Variants in RGS17 observed in about 807,000 individuals in gnomAD.
RGS17 encodes regulator of G-protein signaling 17.
A neutral mutation model predicts 25.5 loss-of-function variants in RGS17; 12 were observed. The observed-to-expected ratio is 0.47, with a 90% CI of 0.30 to 0.76. The LOEUF is 0.76. Among genes scored for constraint, RGS17 ranks in the 30% least tolerant of loss-of-function variants. RGS17 has a pLI of 0.07. For missense variants in RGS17, 196 were observed against 242.2 expected, an observed-to-expected ratio of 0.81 and a Z score of 1.27; for synonymous variants, 71 against 76.9, an observed-to-expected ratio of 0.92 and a Z score of 0.40.
At chr6:153,052,375 C>CT (rs1212425119) in intron 1 of RGS17, among the ~76,000 whole-genome samples, 1 of 152,136 alleles carries the variant, frequency 6.6e-6, no homozygotes, top group Non-Finnish European at 1.5e-5. Flanking sequence ...AGCTATCACT[C>CT]TTTTCTTCTT....
At chr6:153,110,844 T>G (rs889647707) in intron 1 of RGS17, among the ~76,000 whole-genome samples, 1 of 152,082 alleles carries the variant, frequency 6.6e-6, no homozygotes, top group Non-Finnish European at 1.5e-5. Context: ...GTTGGGGAAC[T>G]CCCTCCCCTA....
chr6:153,020,128 ATATATATATATT>A (rs1562313012), intron 4 of RGS17, among the ~76,000 whole-genome samples: 23 of 93,134 alleles, frequency 2.5e-4, no homozygotes, highest in African/African-American at 9.3e-4. Context: ...ATATATATAT[ATATATATATATT>A]TTTTTTTTTT....
chr6:153,105,571 C>T (rs1364409428), intron 1 of RGS17, among the ~76,000 whole-genome samples: 1 of 152,028 alleles, frequency 6.6e-6, no homozygotes, highest in Non-Finnish European at 1.5e-5. Flanking sequence ...ATGATCATGC[C>T]AGGAGTAGCC....
chr6:153,113,666 C>A (rs534276590), intron 1 of RGS17, among the ~76,000 whole-genome samples: 2 of 152,216 alleles, frequency 1.3e-5, no homozygotes, highest in South Asian at 2.1e-4. Context: ...CTAAAATTGA[C>A]CACATAATTG....
chr6:153,015,972 A>C (rs1009865521), intron 4 of RGS17, among the ~76,000 whole-genome samples: 41 of 152,174 alleles, frequency 2.7e-4, no homozygotes, highest in African/African-American at 9.4e-4. Context: ...TTTTATGTGC[A>C]TTGGGAAGCC....
At chr6:153,111,124 C>T (rs4267963) in intron 1 of RGS17, among the ~76,000 whole-genome samples, 70,873 of 151,786 alleles carry the variant, frequency 0.47, 17,187 homozygotes, top group East Asian at 0.85. Context: ...GGGGCTGAAG[C>T]CAGGGAGCCA....
intron 1 of RGS17, among the ~76,000 whole-genome samples, chr6:153,052,419 A>G (rs912594405): frequency 6.6e-6 from 1 of 152,078 alleles, no homozygotes; most frequent in Non-Finnish European, 1.5e-5. Context: ...GGGGATATCT[A>G]TTCTACATCT....
intron 2 of RGS17, among the ~76,000 whole-genome samples, chr6:153,029,739 C>A (rs1308190302): frequency 6.6e-6 from 1 of 151,970 alleles, no homozygotes; most frequent in South Asian, 2.1e-4. Context: ...TACAGGCACC[C>A]GCCACCATGC....
intron 1 of RGS17, among the ~76,000 whole-genome samples, chr6:153,056,668 T>C (rs1250783912): frequency 2.0e-5 from 3 of 152,196 alleles, no homozygotes; most frequent in Non-Finnish European, 4.4e-5. Flanking sequence ...CTAACCTAAC[T>C]GCTGTCTTCA....
chr6:153,009,501 AAT>A lies in RGS17; in HGVS notation c.*2071_*2072del, dbSNP rs1205778606. 8 of 152,072 alleles carry A rather than the reference AAT, an allele frequency of 5.3e-5. No homozygotes were observed. Among genetic ancestry groups the A allele is most frequent in the African/African-American group, 1.9e-4 (8 of 41,460 alleles). The allele number at this position is 152,072 out of a possible 1,614,324, so 9.4% of individuals were successfully genotyped here. A position where few individuals can be genotyped will look rare whatever the true frequency, so the allele number is the denominator to read the frequency against. On this transcript the variant is annotated 3_prime_UTR_variant, in exon 5 of 5. Transcript: ENST00000206262. ...GGTTTTTCTTTACTCTTTAGGAAAA[AAT>A]ATGACTTTTTGTAAACATCTTCATA...
intron 1 of RGS17, among the ~76,000 whole-genome samples, chr6:153,079,807 A>C (rs1776945303): frequency 6.6e-6 from 1 of 152,074 alleles, no homozygotes; most frequent in Non-Finnish European, 1.5e-5. Context: ...GGTCTCATTA[A>C]ATGAATTGAG....
rs1000820004 is a variant in RGS17, at chr6:153,007,659, T to C, written c.*3915A>G. 2 of 152,126 alleles carry C rather than the reference T, an allele frequency of 1.3e-5. No individual in the cohort carries two copies. Among genetic ancestry groups the C allele is most frequent in the South Asian group, 4.1e-4 (2 of 4,832 alleles). 9.4% of individuals were successfully genotyped at this position (152,126 alleles called of 1,614,324 possible). On this transcript the variant is annotated 3_prime_UTR_variant, in exon 5 of 5. Transcript: ENST00000206262. ...AAGGCTGGAGTGCAGTGGCATGATA[T>C]CAGCTCACTGCGACCTCTGCCTCCT... is the stretch of plus-strand genomic sequence containing the variant.
chr6:153,069,750 G>GTGTGTGTGTT (rs1467898577), intron 1 of RGS17, among the ~76,000 whole-genome samples: 43 of 150,910 alleles, frequency 2.8e-4, no homozygotes, highest in Middle Eastern at 3.4e-3. Context: ...GTGTGTGTGT[G>GTGTGTGTGTT]TGTGTGTGTG....
At chr6:153,103,895 T>C (rs1268855146) in intron 1 of RGS17, among the ~76,000 whole-genome samples, 1 of 152,190 alleles carries the variant, frequency 6.6e-6, no homozygotes, top group Non-Finnish European at 1.5e-5. Context: ...TTCTAAACCA[T>C]AATTACCATC....
rs746737816 is a variant in RGS17 at position 153,074,488 on chromosome 6, C to T, written c.-25-30445G>A. Among the ~76,000 whole-genome samples, 143 of 152,178 alleles carry T rather than the reference C, an allele frequency of 9.4e-4. 3 individuals are homozygous for T. Among genetic ancestry groups the T allele is most frequent in the Admixed American group, 1.1e-3 (17 of 15,270 alleles). On this transcript the variant is annotated intron_variant, in intron 1 of 4. Coordinates refer to ENST00000206262, the MANE Select transcript of RGS17 (RefSeq NM_012419.5). ...GAACACTCTTCATTTCCAGCAGCTTCCTCACTACAAAACTCCCTGTTAAAG... is the reference window on the plus strand; with the variant it reads ...GAACACTCTTCATTTCCAGCAGCTTTCTCACTACAAAACTCCCTGTTAAAG...
At chr6:153,024,540 C>T in intron 3 of RGS17, 44 bp from the exon 4 acceptor site, 2 of 1,374,304 alleles carry the variant, frequency 1.5e-6, no homozygotes, top group Non-Finnish European at 2.1e-6. Context: ...AACTTTGTGA[C>T]CAGTGAATGC....
At chr6:153,109,993 A>G (rs1777444092) in intron 1 of RGS17, among the ~76,000 whole-genome samples, 1 of 152,252 alleles carries the variant, frequency 6.6e-6, no homozygotes, top group African/African-American at 2.4e-5. Flanking sequence ...CTGTTTCCTA[A>G]TATTTGTTTT....
chr6:153,111,763 C>G (rs1472041621), intron 1 of RGS17, among the ~76,000 whole-genome samples: 1 of 152,196 alleles, frequency 6.6e-6, no homozygotes, highest in East Asian at 1.9e-4. Flanking sequence ...GCAATCTTTG[C>G]TGTTCTGCAG....
At chr6:153,126,927 T>A (rs1777712459) in intron 1 of RGS17, among the ~76,000 whole-genome samples, 1 of 152,228 alleles carries the variant, frequency 6.6e-6, no homozygotes, top group Non-Finnish European at 1.5e-5. Context: ...TTAATTTTTT[T>A]AGAAATATGA....
Sources: allele counts gnomAD v4.1 joint callset (sites outside exome capture counted in the v4.1 genomes callset), GRCh38; gene constraint gnomAD v4.1.1; transcripts MANE v1.5; gene names NCBI Gene and HGNC (gene_info 2026-07-23, HGNC 2026-07-21).